The following GPM6A variants were observed in gnomAD, a reference collection of about 807,000 sequenced individuals.
The protein encoded by GPM6A is neuronal membrane glycoprotein M6-a.
GPM6A carries 7 observed loss-of-function variants against 32.1 expected under a neutral mutation model. That is an observed-to-expected ratio of 0.22 (90% CI 0.12 to 0.41). GPM6A has a LOEUF of 0.41. Among genes scored for constraint, GPM6A ranks in the 10% least tolerant of loss-of-function variants. GPM6A has a pLI of 1.00. For missense variants in GPM6A, 235 were observed against 347.2 expected (o/e 0.68, Z 2.57); for synonymous variants, 130 against 123.4 (o/e 1.05, Z -0.35).
At chr4:175,865,864 A>G (rs1381903157) in intron 1 of GPM6A, among the ~76,000 whole-genome samples, 2 of 151,932 alleles carry the variant, frequency 1.3e-5, no homozygotes, top group Non-Finnish European at 2.9e-5. Context: ...AACCACTATT[A>G]AAAAAAACAG....
intron 3 of GPM6A, among the ~76,000 whole-genome samples, chr4:175,656,853 A>C (rs1210128869): frequency 6.6e-6 from 1 of 152,204 alleles, no homozygotes; most frequent in African/African-American, 2.4e-5. Flanking sequence ...CTCTGATTGC[A>C]CAAGTCTCTG....
At chr4:175,643,782 G>C (rs974787439) in intron 4 of GPM6A, among the ~76,000 whole-genome samples, 1 of 152,152 alleles carries the variant, frequency 6.6e-6, no homozygotes, top group Non-Finnish European at 1.5e-5. Context: ...CTGAACTCAG[G>C]AGTTGCAGAA....
At chr4:175,833,156 G>C (rs549882472) in intron 1 of GPM6A, among the ~76,000 whole-genome samples, 2 of 152,306 alleles carry the variant, frequency 1.3e-5, no homozygotes, top group African/African-American at 4.8e-5. Context: ...TCTCTGGAGA[G>C]GCTCTTAACA....
chr4:175,806,576 A>G (rs1169436373), intron 1 of GPM6A, among the ~76,000 whole-genome samples: 3 of 152,252 alleles, frequency 2.0e-5, no homozygotes, highest in Non-Finnish European at 2.9e-5. Flanking sequence ...GGAAAATATA[A>G]AATGACAAAA....
At chr4:175,636,992 G>A (rs1287160917) in intron 6 of GPM6A, among the ~76,000 whole-genome samples, 38 of 77,646 alleles carry the variant, frequency 4.9e-4, no homozygotes, top group African/African-American at 1.7e-3. Context: ...ATATATATAA[G>A]ATAAAAAATA....
chr4:175,914,650 G>A (rs1002943977), intron 1 of GPM6A, among the ~76,000 whole-genome samples: 3 of 152,130 alleles, frequency 2.0e-5, no homozygotes, highest in African/African-American at 7.2e-5. Context: ...ATAAGATAAA[G>A]TAAACATAAG....
At chr4:175,701,824 T>C in intron 1 of GPM6A, 57 bp from the exon 2 acceptor site, 1 of 1,291,464 alleles carries the variant, frequency 7.7e-7, no homozygotes, top group South Asian at 1.3e-5. Flanking sequence ...TTTAATTTTT[T>C]TTTTCAAACT....
chr4:175,730,947 C>G (rs1731400456), intron 1 of GPM6A, among the ~76,000 whole-genome samples: 1 of 152,164 alleles, frequency 6.6e-6, no homozygotes. Context: ...ATCTCTTCCT[C>G]TACTCCTTTG....
At chr4:175,945,930 A>G (rs1352341107) in intron 1 of GPM6A, among the ~76,000 whole-genome samples, 2 of 151,888 alleles carry the variant, frequency 1.3e-5, no homozygotes, top group Non-Finnish European at 2.9e-5. Flanking sequence ...ATTACTTATA[A>G]CTAAGTAATA....
At chr4:175,888,029 T>A (rs968860431) in intron 1 of GPM6A, among the ~76,000 whole-genome samples, 1 of 151,844 alleles carries the variant, frequency 6.6e-6, no homozygotes, top group African/African-American at 2.4e-5. Flanking sequence ...AAGGACATCA[T>A]CAAAAAGAAA....
At position 175,904,877 on chromosome 4, in the gene GPM6A, T is replaced by G. The variant is rs541434804; in HGVS notation, c.-22-92628A>C. Reference sequence around the variant, plus strand: ...CAGAAGGTACATCAATTTTAAAATTTGCCATTTCTTAGTTCACCTTAAACC... The same window carrying G: ...CAGAAGGTACATCAATTTTAAAATTGGCCATTTCTTAGTTCACCTTAAACC... On this transcript the variant is annotated intron_variant, in intron 1 of 7. Coordinates refer to the GPM6A transcript ENST00000280187. Among the ~76,000 whole-genome samples, 38 of 152,268 alleles carry G rather than the reference T, an allele frequency of 2.5e-4. No homozygotes were observed. In the South Asian group the frequency reaches 6.4e-3, roughly 26 times the overall value.
chr4:175,873,654 CA>C (rs1286259465), intron 1 of GPM6A, among the ~76,000 whole-genome samples: 1 of 151,996 alleles, frequency 6.6e-6, no homozygotes, highest in Non-Finnish European at 1.5e-5. Context: ...ATTTCTGTTA[CA>C]AAAAACTTTG....
At chr4:175,965,980 A>G (rs1334424151) in intron 1 of GPM6A, among the ~76,000 whole-genome samples, 1 of 152,196 alleles carries the variant, frequency 6.6e-6, no homozygotes, top group Non-Finnish European at 1.5e-5. Flanking sequence ...AAACAACTCT[A>G]TGCCCACAAA....
chr4:175,898,634 G>A (rs1251121586), intron 1 of GPM6A, among the ~76,000 whole-genome samples: 3 of 152,060 alleles, frequency 2.0e-5, no homozygotes, highest in Admixed American at 6.6e-5. Context: ...AACCCCTTGG[G>A]AGCAGGATTC....
At chr4:175,799,183 C>A (rs887688594) in intron 1 of GPM6A, among the ~76,000 whole-genome samples, 4 of 152,218 alleles carry the variant, frequency 2.6e-5, no homozygotes, top group African/African-American at 7.2e-5. Flanking sequence ...GCAGCACTCA[C>A]AATCTCCCTT....
At chr4:175,772,749 T>C (rs1284291105) in intron 1 of GPM6A, among the ~76,000 whole-genome samples, 3 of 152,178 alleles carry the variant, frequency 2.0e-5, no homozygotes, top group Non-Finnish European at 4.4e-5. Context: ...ATCCATGGGC[T>C]TCCATACTTT....
intron 1 of GPM6A, among the ~76,000 whole-genome samples, chr4:175,929,757 T>A (rs1371696046): frequency 6.6e-6 from 1 of 152,204 alleles, no homozygotes; most frequent in Non-Finnish European, 1.5e-5. Flanking sequence ...CCTAACATGT[T>A]GATGCTTTCA....
chr4:175,936,721 A>G (rs906323106), intron 1 of GPM6A, among the ~76,000 whole-genome samples: 1 of 152,192 alleles, frequency 6.6e-6, no homozygotes, highest in Admixed American at 6.5e-5. Flanking sequence ...AAAAACGTAA[A>G]GCATCTGTAG....
At chr4:175,652,411 C>A (rs1014031171) in intron 3 of GPM6A, among the ~76,000 whole-genome samples, 1 of 151,956 alleles carries the variant, frequency 6.6e-6, no homozygotes, top group East Asian at 1.9e-4. Context: ...CATGTCATGT[C>A]GCAAATATTT....
Sources: allele counts gnomAD v4.1 joint callset (sites outside exome capture counted in the v4.1 genomes callset), GRCh38; gene constraint gnomAD v4.1.1; transcripts MANE v1.5; gene names NCBI Gene and HGNC (gene_info 2026-07-23, HGNC 2026-07-21).